The following GALNT16 variants were observed in gnomAD, a reference collection of about 807,000 sequenced individuals.
The protein encoded by GALNT16 is polypeptide N-acetylgalactosaminyltransferase 16.
Under a neutral mutation model 76.1 loss-of-function variants are expected in GALNT16, and 40 were observed. The ratio of observed to expected loss-of-function variants is 0.53; its 90% CI spans 0.41 to 0.68. GALNT16 has a LOEUF of 0.68. GALNT16 is among the 30% of genes least tolerant of loss of function. The pLI is 0.00. For synonymous variants in GALNT16, 276 were observed against 285.2 expected, an observed-to-expected ratio of 0.97 and a Z score of 0.32; for missense variants, 621 against 731.9, an observed-to-expected ratio of 0.85 and a Z score of 1.75.
intron 1 of GALNT16, among the ~76,000 whole-genome samples, chr14:69,298,221 T>C: frequency 6.6e-6 from 1 of 152,252 alleles, no homozygotes; most frequent in East Asian, 1.9e-4. Flanking sequence ...TGCCAGTTCC[T>C]GATGCCCCCC....
chr14:69,329,733 G>C (rs1213749719), intron 6 of GALNT16, among the ~76,000 whole-genome samples: 3 of 152,140 alleles, frequency 2.0e-5, no homozygotes, highest in African/African-American at 7.2e-5. Context: ...AGTGAAGGGG[G>C]AGTAGGTACC....
chr14:69,310,222 G>C (rs995608271), intron 1 of GALNT16, among the ~76,000 whole-genome samples: 3 of 151,820 alleles, frequency 2.0e-5, no homozygotes, highest in Non-Finnish European at 2.9e-5. Context: ...ATATCCTATA[G>C]ATATAGGATA....
the GALNT16 span, chr14:69,380,160 A>C: frequency 6.1e-6 from 1 of 164,726 alleles, no homozygotes; most frequent in Admixed American, 6.4e-5. Flanking sequence ...ATTTTTACCA[A>C]GACTTTATCT....
intron 14 of GALNT16, chr14:69,350,357 A>G (rs1017385391): frequency 3.3e-5 from 5 of 152,260 alleles, no homozygotes; most frequent in African/African-American, 1.2e-4. Context: ...ACACTATATT[A>G]CAGAAGGCTA....
rs543641081 is a variant in GALNT16, at chr14:69,341,600, G to A, written c.1188-81G>A. ...TTGCCTGCCTGAGATAGTTGGGGCT[G>A]GGGGACAGGCCTCTGGCATCCTCCC... On this transcript the variant is annotated intron_variant, in intron 11 of 14. Coordinates refer to ENST00000448469, the MANE Select transcript of GALNT16 (RefSeq NM_001168368.2). 3.5e-6 allele frequency: 3 copies of A among 865,398 alleles called. No individual in the cohort carries two copies. In the South Asian group the frequency reaches 4.3e-5, roughly 12 times the overall value. The allele number at this position is 865,398 out of a possible 1,614,324, so 53.6% of individuals were successfully genotyped here. A position where few individuals can be genotyped will look rare whatever the true frequency, so the allele number is the denominator to read the frequency against.
chr14:69,325,450 C>T, intron 4 of GALNT16, 46 bp downstream of exon 4: 2 of 1,119,876 alleles, frequency 1.8e-6, no homozygotes, highest in Non-Finnish European at 2.7e-6. Flanking sequence ...CCGCCCTCGT[C>T]CCTGTTTCCC....
At chr14:69,291,556 G>T (rs1431903121) in intron 1 of GALNT16, among the ~76,000 whole-genome samples, 1 of 152,148 alleles carries the variant, frequency 6.6e-6, no homozygotes, top group Admixed American at 6.5e-5. Flanking sequence ...CCACAGACAT[G>T]CGCCAAGCCC....
chr14:69,318,029 C>A (rs1342971937), intron 1 of GALNT16, among the ~76,000 whole-genome samples: 2 of 152,218 alleles, frequency 1.3e-5, no homozygotes, highest in Non-Finnish European at 2.9e-5. Flanking sequence ...TACCCTTCCT[C>A]AGGATCCCCT....
the GALNT16 span, among the ~76,000 whole-genome samples, chr14:69,375,487 AAAC>A: frequency 6.6e-6 from 1 of 152,206 alleles, no homozygotes; most frequent in Non-Finnish European, 1.5e-5. Flanking sequence ...GCACACAGTA[AAAC>A]AAAAGCCTCC....
chr14:69,273,539 A>G (rs1471045526), intron 1 of GALNT16, among the ~76,000 whole-genome samples: 2 of 152,226 alleles, frequency 1.3e-5, no homozygotes. Flanking sequence ...ATCCTGCATT[A>G]GGTGAGGTTG....
chr14:69,278,067 G>A lies in GALNT16; in HGVS notation c.177+17600G>A, dbSNP rs181395761. On this transcript the variant is annotated intron_variant, in intron 1 of 14. Coordinates refer to ENST00000448469, the MANE Select transcript of GALNT16 (RefSeq NM_001168368.2). ...TCTGTGACCCAGGCTGGAGTGCTGT[G>A]GTGCTATCAAAGCTCACTATAACCT... is the stretch of plus-strand genomic sequence containing the variant. Among the ~76,000 whole-genome samples the A allele has an allele frequency of 4.8e-3, 731 of 150,774 alleles. 8 individuals are homozygous for A. The highest frequency in any genetic ancestry group is 0.026 in the South Asian group (124 of 4,766).
chr14:69,335,708 C>CA (rs779393699), intron 9 of GALNT16, among the ~76,000 whole-genome samples: 11 of 152,162 alleles, frequency 7.2e-5, no homozygotes, highest in Non-Finnish European at 1.2e-4. Context: ...CTGCAGTGCT[C>CA]AGACGTTCAG....
chr14:69,317,169 T>C (rs887172806), intron 1 of GALNT16, among the ~76,000 whole-genome samples: 2 of 152,184 alleles, frequency 1.3e-5, no homozygotes, highest in East Asian at 3.9e-4. Flanking sequence ...GGTCCAGATA[T>C]AGCTCCTCAT....
At chr14:69,282,591 T>TGTATCTGCTCTAAGTGCAGGCCCC (rs572088656) in intron 1 of GALNT16, among the ~76,000 whole-genome samples, 2 of 152,148 alleles carry the variant, frequency 1.3e-5, no homozygotes, top group Non-Finnish European at 2.9e-5. Flanking sequence ...GTGCGGGCCC[T>TGTATCTGCTCTAAGTGCAGGCCCC]GTATCTGCTC....
intron 1 of GALNT16, among the ~76,000 whole-genome samples, chr14:69,265,044 G>A (rs1040884370): frequency 1.3e-5 from 2 of 151,946 alleles, no homozygotes; most frequent in African/African-American, 2.4e-5. Context: ...CAAACTTCTG[G>A]ACTCAAGGGG....
Position 69,290,749 on chromosome 14 carries a change from T to G in GALNT16, c.178-29962T>G, listed in dbSNP as rs147402724. Reference sequence around the variant, plus strand: ...CCAAATGGTAATGGTCTCAGAAAATTACCAGCCCTCGAAAATGAGTGTGGC... The same window carrying G: ...CCAAATGGTAATGGTCTCAGAAAATGACCAGCCCTCGAAAATGAGTGTGGC... On this transcript the variant is annotated intron_variant, in intron 1 of 14. Transcript: ENST00000448469. Among the ~76,000 whole-genome samples, 526 of 152,324 alleles carry G rather than the reference T, an allele frequency of 3.5e-3. 5 individuals are homozygous for G. The highest frequency in any genetic ancestry group is 0.012 in the African/African-American group (505 of 41,578).
chr14:69,376,729 A>G, the GALNT16 span, among the ~76,000 whole-genome samples: 1 of 152,138 alleles, frequency 6.6e-6, no homozygotes, highest in Non-Finnish European at 1.5e-5. Context: ...GCAATGTATT[A>G]CTAGACAAGA....
the GALNT16 span, among the ~76,000 whole-genome samples, chr14:69,366,366 C>A: frequency 1.3e-5 from 2 of 152,132 alleles, no homozygotes; most frequent in African/African-American, 4.8e-5. Context: ...CCAAGTTATT[C>A]TCTGCTTAGC....
the GALNT16 span, among the ~76,000 whole-genome samples, chr14:69,384,291 G>A: frequency 1.3e-5 from 2 of 152,206 alleles, no homozygotes; most frequent in African/African-American, 4.8e-5. Flanking sequence ...TAATAATGCT[G>A]TGCTCAGCAA....
Sources: gnomAD v4.1 joint callset for allele counts (sites outside exome capture counted in the v4.1 genomes callset) on GRCh38, gnomAD v4.1.1 for gene constraint, MANE v1.5 for transcripts, NCBI Gene and HGNC (gene_info 2026-07-23, HGNC 2026-07-21) for gene names.